Variants in SGCZ observed in about 807,000 individuals in gnomAD.
SGCZ encodes the protein sarcoglycan zeta, also known as zeta-sarcoglycan.
SGCZ carries 40 observed loss-of-function variants against 41.3 expected under a neutral mutation model. The observed-to-expected ratio is 0.97, with a 90% CI of 0.75 to 1.26. SGCZ has a LOEUF of 1.26. Among genes scored for constraint, SGCZ ranks in the 50% most tolerant of loss-of-function variants. SGCZ has a pLI of 0.00. For synonymous variants in SGCZ, 206 were observed against 137.5 expected, an observed-to-expected ratio of 1.50 and a Z score of -3.49; for missense variants, 552 against 369.8, an observed-to-expected ratio of 1.49 and a Z score of -4.04.
intron 2 of SGCZ, among the ~76,000 whole-genome samples, chr8:14,516,880 G>GA (rs1475973501): frequency 6.6e-6 from 1 of 151,870 alleles, no homozygotes; most frequent in African/African-American, 2.4e-5. Context: ...ATTTTATATA[G>GA]AAACAACAAG....
intron 1 of SGCZ, among the ~76,000 whole-genome samples, chr8:15,161,688 G>C (rs149856650): frequency 6.6e-6 from 1 of 152,284 alleles, no homozygotes; most frequent in Non-Finnish European, 1.5e-5. Flanking sequence ...GTTTTTCCAT[G>C]TTACTCATTT....
intron 1 of SGCZ, among the ~76,000 whole-genome samples, chr8:14,742,419 G>T (rs2244354): frequency 0.81 from 123,560 of 152,052 alleles, 50,473 homozygotes; most frequent in African/African-American, 0.91. Context: ...TTCTTAGTCT[G>T]GCCCATGTGG....
intron 1 of SGCZ, among the ~76,000 whole-genome samples, chr8:14,674,655 G>A (rs1460674769): frequency 6.6e-6 from 1 of 152,086 alleles, no homozygotes; most frequent in Non-Finnish European, 1.5e-5. Context: ...CCTGGTGGGA[G>A]GTGATTGTGG....
intron 7 of SGCZ, 113 bp downstream of exon 7, chr8:14,102,263 T>A: frequency 4.3e-6 from 5 of 1,167,578 alleles, no homozygotes; most frequent in Non-Finnish European, 5.6e-6. Flanking sequence ...ACAACTCCAT[T>A]TATTTTCTAC....
At chr8:14,434,333 T>C (rs1266008747) in intron 2 of SGCZ, among the ~76,000 whole-genome samples, 2 of 152,232 alleles carry the variant, frequency 1.3e-5, no homozygotes, top group Non-Finnish European at 2.9e-5. Context: ...TATGTGCCTA[T>C]GTTTATACTA....
At chr8:15,083,598 G>T (rs1805837198) in intron 1 of SGCZ, among the ~76,000 whole-genome samples, 1 of 152,030 alleles carries the variant, frequency 6.6e-6, no homozygotes, top group African/African-American at 2.4e-5. Flanking sequence ...ACCTAGGCTG[G>T]AGTCCAGTGG....
At chr8:14,149,625 C>T (rs1803634777) in intron 5 of SGCZ, among the ~76,000 whole-genome samples, 1 of 149,460 alleles carries the variant, frequency 6.7e-6, no homozygotes, top group Non-Finnish European at 1.5e-5. Flanking sequence ...CAGTGCAATC[C>T]CTATCAAAAT....
At chr8:14,165,747 A>T (rs139510576) in intron 4 of SGCZ, among the ~76,000 whole-genome samples, 1 of 152,234 alleles carries the variant, frequency 6.6e-6, no homozygotes, top group African/African-American at 2.4e-5. Context: ...TATTCACTTT[A>T]TTTATTAGAT....
intron 2 of SGCZ, among the ~76,000 whole-genome samples, chr8:14,408,020 G>A (rs766817957): frequency 5.5e-4 from 84 of 152,120 alleles, no homozygotes; most frequent in Non-Finnish European, 1.3e-4. Flanking sequence ...TATAAATAAG[G>A]GGGAAGGAAA....
intron 5 of SGCZ, among the ~76,000 whole-genome samples, chr8:14,119,827 T>G (rs1016889640): frequency 6.6e-6 from 1 of 152,138 alleles, no homozygotes; most frequent in Non-Finnish European, 1.5e-5. Flanking sequence ...AATCGTGTGG[T>G]TTTTGTGATT....
intron 2 of SGCZ, among the ~76,000 whole-genome samples, chr8:14,341,410 T>A (rs534614594): frequency 1.8e-4 from 28 of 152,300 alleles, no homozygotes; most frequent in African/African-American, 5.8e-4. Flanking sequence ...GACTTCCAAT[T>A]CCTCCACATC....
chr8:14,559,084 C>T (rs1804127833), intron 1 of SGCZ, among the ~76,000 whole-genome samples: 2 of 152,014 alleles, frequency 1.3e-5, no homozygotes, highest in Non-Finnish European at 2.9e-5. Context: ...TAAGGATGTC[C>T]CCTCTCACCA....
chr8:14,362,292 T>C lies in SGCZ; in HGVS notation c.235-38088A>G, dbSNP rs146541906. 8.8e-3 allele frequency among the ~76,000 whole-genome samples: 1,347 copies of C among 152,318 alleles called. 13 individuals are homozygous for C. Among genetic ancestry groups the C allele is most frequent in the South Asian group, 0.02 (97 of 4,832 alleles). ...ATGCCCTGCCCCCGGAGGTGGAATCTAGAGAGGCAGTAGGCCTTGCTGAGC... is the reference window on the plus strand; with the variant it reads ...ATGCCCTGCCCCCGGAGGTGGAATCCAGAGAGGCAGTAGGCCTTGCTGAGC... On this transcript the variant is annotated intron_variant, in intron 2 of 7. Coordinates refer to ENST00000382080, the MANE Select transcript of SGCZ (RefSeq NM_139167.4).
intron 1 of SGCZ, among the ~76,000 whole-genome samples, chr8:14,975,158 T>A (rs1193414827): frequency 6.6e-6 from 1 of 151,958 alleles, no homozygotes; most frequent in African/African-American, 2.4e-5. Context: ...TACAAAAGAT[T>A]AGCCAGGTGT....
intron 1 of SGCZ, among the ~76,000 whole-genome samples, chr8:14,582,635 T>A (rs1347022556): frequency 6.1e-5 from 9 of 148,678 alleles, no homozygotes; most frequent in Non-Finnish European, 1.0e-4. Flanking sequence ...ATTAGGTATA[T>A]CTCCTAATGC....
chr8:14,430,637 G>C (rs1181177632), intron 2 of SGCZ, among the ~76,000 whole-genome samples: 1 of 152,104 alleles, frequency 6.6e-6, no homozygotes, highest in Non-Finnish European at 1.5e-5. Flanking sequence ...ACTGGAATGA[G>C]ACAAGGATGC....
intron 1 of SGCZ, among the ~76,000 whole-genome samples, chr8:14,901,243 A>G (rs1307932137): frequency 6.6e-6 from 1 of 152,160 alleles, no homozygotes; most frequent in Non-Finnish European, 1.5e-5. Flanking sequence ...CTTAAGAAAT[A>G]ATTGCTCCAT....
intron 2 of SGCZ, among the ~76,000 whole-genome samples, chr8:14,547,684 A>T (rs1274095963): frequency 6.6e-6 from 1 of 152,138 alleles, no homozygotes; most frequent in Non-Finnish European, 1.5e-5. Flanking sequence ...GATCAACATC[A>T]TCATCACCAT....
chr8:14,692,231 A>G (rs1808822862), intron 1 of SGCZ, among the ~76,000 whole-genome samples: 1 of 152,128 alleles, frequency 6.6e-6, no homozygotes, highest in South Asian at 2.1e-4. Context: ...TTAAATCATT[A>G]AGATTAATGA....
Sources: gnomAD v4.1 joint callset for allele counts (sites outside exome capture counted in the v4.1 genomes callset) on GRCh38, gnomAD v4.1.1 for gene constraint, MANE v1.5 for transcripts, NCBI Gene and HGNC (gene_info 2026-07-23, HGNC 2026-07-21) for gene names.